Variants in GPC5 observed in about 807,000 individuals in gnomAD.
GPC5 encodes glypican 5, also known as glypican-5.
Under a neutral mutation model 53.9 loss-of-function variants are expected in GPC5, and 47 were observed. The observed-to-expected ratio is 0.87, with a 90% confidence interval of 0.69 to 1.11. GPC5 has a LOEUF of 1.11. GPC5 is among the 50% of genes most tolerant of loss of function. GPC5 has a pLI of 0.00. For missense variants in GPC5, 748 were observed against 713.1 expected (o/e 1.05, Z -0.56); for synonymous variants, 286 against 263.3 (o/e 1.09, Z -0.84).
chr13:91,750,365 A>G (rs465011), intron 4 of GPC5, among the ~76,000 whole-genome samples: 95,751 of 151,988 alleles, frequency 0.63, 30,641 homozygotes, highest in South Asian at 0.75. Flanking sequence ...AGCAACTGAC[A>G]TATGAAACAC....
At chr13:91,879,682 C>T (rs759510133) in intron 5 of GPC5, among the ~76,000 whole-genome samples, 1 of 152,202 alleles carries the variant, frequency 6.6e-6, no homozygotes, top group Non-Finnish European at 1.5e-5. Flanking sequence ...AAAACCCTCA[C>T]ATTGGCGGTT....
chr13:91,721,464 A>G (rs1327588602), intron 3 of GPC5, among the ~76,000 whole-genome samples: 1 of 152,172 alleles, frequency 6.6e-6, no homozygotes, highest in Non-Finnish European at 1.5e-5. Context: ...CCCTGTGCAT[A>G]CATCTCTCCA....
In GPC5 at chr13:91,778,939, C is replaced by T. The variant is rs147074096; in HGVS notation, c.1280+22519C>T. Among the ~76,000 whole-genome samples the T allele has an allele frequency of 2.7e-4, 41 of 152,272 alleles. 1 individual carries two copies. In the East Asian group the frequency reaches 4.8e-3, roughly 18 times the overall value. ...TACAAATCTTTGCAGCATGTGACTA[C>T]GCTGAATGCTGTAGGCAATTGTAAC... is the stretch of plus-strand genomic sequence containing the variant. On this transcript the variant is annotated intron_variant, in intron 5 of 7. Coordinates refer to ENST00000377067, the MANE Select transcript of GPC5 (RefSeq NM_004466.6).
intron 5 of GPC5, among the ~76,000 whole-genome samples, chr13:91,853,682 T>C (rs748555191): frequency 3.3e-5 from 5 of 152,046 alleles, no homozygotes; most frequent in African/African-American, 4.8e-5. Flanking sequence ...GACTTTGAAA[T>C]ATTTTAACTT....
intron 7 of GPC5, among the ~76,000 whole-genome samples, chr13:92,505,904 A>G (rs983919527): frequency 9.9e-5 from 15 of 152,150 alleles, no homozygotes; most frequent in African/African-American, 3.6e-4. Context: ...TAATCTCTAA[A>G]AAGATAAAAC....
At chr13:92,294,316 T>C (rs2043018467) in intron 7 of GPC5, among the ~76,000 whole-genome samples, 1 of 152,216 alleles carries the variant, frequency 6.6e-6, no homozygotes, top group Non-Finnish European at 1.5e-5. Context: ...TGAATCCGTC[T>C]GGTCCTGGAG....
intron 2 of GPC5, among the ~76,000 whole-genome samples, chr13:91,518,614 G>A (rs1307475158): frequency 2.0e-5 from 3 of 152,008 alleles, no homozygotes; most frequent in African/African-American, 4.8e-5. Flanking sequence ...GTGCAGTGGC[G>A]TGATCTCAGC....
intron 2 of GPC5, among the ~76,000 whole-genome samples, chr13:91,459,623 G>C (rs1005931854): frequency 9.2e-5 from 14 of 152,048 alleles, no homozygotes; most frequent in African/African-American, 3.4e-4. Context: ...GGTAGAGTTG[G>C]AGTGAGACAA....
chr13:91,490,868 G>A (rs554174440), intron 2 of GPC5, among the ~76,000 whole-genome samples: 10 of 152,076 alleles, frequency 6.6e-5, no homozygotes, highest in Non-Finnish European at 1.5e-4. Context: ...TCTCTCTATA[G>A]CACTTCACCT....
intron 7 of GPC5, among the ~76,000 whole-genome samples, chr13:92,250,205 G>A (rs759044972): frequency 1.3e-5 from 2 of 152,080 alleles, no homozygotes; most frequent in African/African-American, 2.4e-5. Flanking sequence ...AAGCTTCTGT[G>A]TGTGTGCATG....
At chr13:91,839,552 T>C (rs960823239) in intron 5 of GPC5, among the ~76,000 whole-genome samples, 1 of 152,022 alleles carries the variant, frequency 6.6e-6, no homozygotes, top group African/African-American at 2.4e-5. Context: ...TTATATGTAA[T>C]ATTAAAAAAA....
intron 7 of GPC5, among the ~76,000 whole-genome samples, chr13:92,657,471 T>C (rs1594389485): frequency 6.6e-6 from 1 of 151,880 alleles, no homozygotes; most frequent in Non-Finnish European, 1.5e-5. Context: ...ATAAGACAAA[T>C]TGGCATGTAA....
At chr13:91,800,141 T>C (rs1255835178) in intron 5 of GPC5, among the ~76,000 whole-genome samples, 1 of 152,040 alleles carries the variant, frequency 6.6e-6, no homozygotes, top group African/African-American at 2.4e-5. Flanking sequence ...TGATTTTTCC[T>C]GCAGACTATG....
At chr13:92,519,796 G>A (rs1253793338) in intron 7 of GPC5, among the ~76,000 whole-genome samples, 3 of 152,086 alleles carry the variant, frequency 2.0e-5, no homozygotes, top group Admixed American at 6.6e-5. Context: ...AACCGAAGGA[G>A]ATAGAGACAC....
chr13:91,933,578 T>C (rs1472285017), intron 6 of GPC5, among the ~76,000 whole-genome samples: 2 of 151,978 alleles, frequency 1.3e-5, no homozygotes, highest in Non-Finnish European at 2.9e-5. Context: ...TTATATATGC[T>C]AAAAGGTACC....
At chr13:91,685,257 A>G (rs2035597673) in intron 2 of GPC5, among the ~76,000 whole-genome samples, 1 of 152,160 alleles carries the variant, frequency 6.6e-6, no homozygotes, top group Non-Finnish European at 1.5e-5. Flanking sequence ...GTGAGCCGAG[A>G]TTGTGCCAAT....
At chr13:92,480,546 G>T (rs755548772) in intron 7 of GPC5, among the ~76,000 whole-genome samples, 4 of 152,112 alleles carry the variant, frequency 2.6e-5, no homozygotes, top group Non-Finnish European at 4.4e-5. Context: ...ATAGATCCAT[G>T]GCAAGACACA....
chr13:91,444,908 T>A (rs1372937286), intron 1 of GPC5, among the ~76,000 whole-genome samples: 1 of 152,182 alleles, frequency 6.6e-6, no homozygotes, highest in East Asian at 1.9e-4. Flanking sequence ...CCACAGTAGA[T>A]CCCCGAAGCA....
chr13:92,855,047 T>A (rs909939053), intron 7 of GPC5, among the ~76,000 whole-genome samples: 3 of 151,994 alleles, frequency 2.0e-5, no homozygotes, highest in Admixed American at 2.0e-4. Context: ...AAAGAAAGCA[T>A]ATAAATGCAA....
Sources: allele counts gnomAD v4.1 joint callset (sites outside exome capture counted in the v4.1 genomes callset), GRCh38; gene constraint gnomAD v4.1.1; transcripts MANE v1.5; gene names NCBI Gene and HGNC (gene_info 2026-07-23, HGNC 2026-07-21).